The following CREB5 variants were observed in gnomAD, a reference collection of about 807,000 sequenced individuals.
CREB5 encodes cAMP responsive element binding protein 5.
CREB5 carries 19 observed loss-of-function variants against 57.1 expected under a neutral mutation model. That is an observed-to-expected ratio of 0.33 (90% CI 0.23 to 0.49). The LOEUF (loss-of-function observed/expected upper bound fraction) is 0.49. Ranked by LOEUF, CREB5 falls within the 20% of genes least tolerant of loss-of-function variation. The probability of loss-of-function intolerance (pLI) is 0.99; values close to 1 mark genes in which losing one functional copy is unlikely to be tolerated. For synonymous variants in CREB5, 238 were observed against 238.3 expected (o/e 1.00, Z 0.01); for missense variants, 579 against 671.6 (o/e 0.86, Z 1.52).
chr7:28,711,305 A>G (rs1440080766), intron 5 of CREB5, among the ~76,000 whole-genome samples: 1 of 152,244 alleles, frequency 6.6e-6, no homozygotes, highest in Non-Finnish European at 1.5e-5. Context: ...GGGAAATCCC[A>G]GATCTTCAGC....
chr7:28,385,739 T>C (rs561928823), intron 1 of CREB5, among the ~76,000 whole-genome samples: 1 of 151,972 alleles, frequency 6.6e-6, no homozygotes, highest in Non-Finnish European at 1.5e-5. Flanking sequence ...GTTTTTTTTA[T>C]AATTGGTTTT....
intron 1 of CREB5, among the ~76,000 whole-genome samples, chr7:28,435,381 A>ATTTTTTT (rs34815040): frequency 2.9e-5 from 3 of 103,516 alleles, no homozygotes; most frequent in Non-Finnish European, 3.9e-5. Context: ...TTTCCCTTCC[A>ATTTTTTT]TTTTTTTTTT....
At chr7:28,312,684 C>T (rs896270005) in intron 1 of CREB5, among the ~76,000 whole-genome samples, 8 of 152,106 alleles carry the variant, frequency 5.3e-5, no homozygotes, top group African/African-American at 9.7e-5. Context: ...AGATAATTAA[C>T]GTGAAAGTGC....
intron 5 of CREB5, chr7:28,615,036 T>G (rs1562528527): frequency 6.6e-6 from 1 of 152,226 alleles, no homozygotes. Context: ...TGTCTCTTTT[T>G]TTGTCCTTTA....
At chr7:28,790,426 G>T (rs1228550133) in intron 7 of CREB5, among the ~76,000 whole-genome samples, 1 of 79,612 alleles carries the variant, frequency 1.3e-5, no homozygotes, top group Non-Finnish European at 2.5e-5. Context: ...AAGAAAGAAA[G>T]AAAGAGAGAG....
chr7:28,579,811 G>A (rs191866668), intron 5 of CREB5, among the ~76,000 whole-genome samples: 20 of 152,178 alleles, frequency 1.3e-4, no homozygotes, highest in African/African-American at 2.9e-4. Flanking sequence ...ACCCATCCCC[G>A]AATCACTGAG....
At chr7:28,563,575 G>C (rs1342926105) in intron 4 of CREB5, among the ~76,000 whole-genome samples, 1 of 152,164 alleles carries the variant, frequency 6.6e-6, no homozygotes, top group Non-Finnish European at 1.5e-5. Context: ...ACCCAGGCTG[G>C]AGTGCAGTGG....
At chr7:28,358,718 A>T (rs550872921) in intron 1 of CREB5, among the ~76,000 whole-genome samples, 1 of 152,270 alleles carries the variant, frequency 6.6e-6, no homozygotes, top group South Asian at 2.1e-4. Context: ...CTTGGCCATG[A>T]CACTGTCAAT....
intron 5 of CREB5, among the ~76,000 whole-genome samples, chr7:28,651,432 GA>G (rs34386983): frequency 0.088 from 13,341 of 152,146 alleles, 747 homozygotes; most frequent in South Asian, 0.16. Context: ...AAATGAACTT[GA>G]AACACAGGTT....
intron 7 of CREB5, among the ~76,000 whole-genome samples, chr7:28,781,013 C>A (rs1806941142): frequency 6.6e-6 from 1 of 152,216 alleles, no homozygotes; most frequent in African/African-American, 2.4e-5. Context: ...TAACTTTGAA[C>A]TCTGAGGGAG....
chr7:28,299,962 T>G (rs1307220588), intron 1 of CREB5, among the ~76,000 whole-genome samples: 1 of 152,246 alleles, frequency 6.6e-6, no homozygotes, highest in Non-Finnish European at 1.5e-5. Flanking sequence ...AATTATTCAG[T>G]CAGTCCTAAT....
At chr7:28,585,520 C>T (rs1299406488) in intron 5 of CREB5, among the ~76,000 whole-genome samples, 11 of 152,176 alleles carry the variant, frequency 7.2e-5, no homozygotes, top group Admixed American at 6.5e-4. Context: ...AACTGCTGTG[C>T]TCCTAATACA....
intron 1 of CREB5, among the ~76,000 whole-genome samples, chr7:28,452,730 C>G (rs887886256): frequency 6.6e-6 from 1 of 152,224 alleles, no homozygotes; most frequent in African/African-American, 2.4e-5. Flanking sequence ...CAGCCTCTCT[C>G]TCTTCTCACC....
chr7:28,328,559 G>A (rs2127985996), intron 1 of CREB5, among the ~76,000 whole-genome samples: 1 of 152,266 alleles, frequency 6.6e-6, no homozygotes, highest in Middle Eastern at 3.4e-3. Context: ...GCTTTTAAAT[G>A]CTTATTCTAA....
At chr7:28,368,624 A>G (rs1403811392) in intron 1 of CREB5, among the ~76,000 whole-genome samples, 1 of 152,144 alleles carries the variant, frequency 6.6e-6, no homozygotes, top group Non-Finnish European at 1.5e-5. Flanking sequence ...CTTCCCTCAG[A>G]TGGTCCCATT....
chr7:28,389,983 G>A (rs1207919849), intron 1 of CREB5, among the ~76,000 whole-genome samples: 1 of 151,542 alleles, frequency 6.6e-6, no homozygotes, highest in Admixed American at 6.6e-5. Flanking sequence ...TGGTATCCTG[G>A]AGGCTCTGTA....
At chr7:28,690,696 G>A (rs536129846) in intron 5 of CREB5, among the ~76,000 whole-genome samples, 2 of 152,288 alleles carry the variant, frequency 1.3e-5, no homozygotes, top group East Asian at 3.9e-4. Context: ...ATGGTGGGGA[G>A]GAAATCTTGG....
intron 4 of CREB5, among the ~76,000 whole-genome samples, chr7:28,560,963 TGTGTGTGTGCGTGTGTGC>T (rs1562798145): frequency 0.02 from 946 of 47,970 alleles, 122 homozygotes; most frequent in South Asian, 0.044. Flanking sequence ...TGTGTGTGCG[TGTGTGTGTGCGTGTGTGC>T]GTGCGTGTGT....
chr7:28,451,450 CTGTGTGTGTGTGTGTGTG>C (rs6150047), intron 1 of CREB5, among the ~76,000 whole-genome samples: 5 of 146,922 alleles, frequency 3.4e-5, no homozygotes, highest in South Asian at 2.2e-4. Flanking sequence ...CTTTGCCAAA[CTGTGTGTGTGTGTGTGTG>C]TGTGTGTGTG....
Sources: allele counts gnomAD v4.1 joint callset (sites outside exome capture counted in the v4.1 genomes callset), GRCh38; gene constraint gnomAD v4.1.1; transcripts MANE v1.5; gene names NCBI Gene and HGNC (gene_info 2026-07-23, HGNC 2026-07-21).